PLG: variants seen among roughly 807,000 people sequenced by gnomAD.
The protein encoded by PLG is plasmin.
Under a neutral mutation model 104.4 loss-of-function variants are expected in PLG, and 41 were observed. The observed-to-expected ratio is 0.39, with a 90% CI of 0.31 to 0.51. PLG has a LOEUF of 0.51. Among genes scored for constraint, PLG ranks in the 20% least tolerant of loss-of-function variants. The probability of loss-of-function intolerance (pLI) is 0.76; values close to 1 mark genes in which losing one functional copy is unlikely to be tolerated. For missense variants in PLG, 891 were observed against 1,003.6 expected, an observed-to-expected ratio of 0.89 and a Z score of 1.52; for synonymous variants, 337 against 357.1, an observed-to-expected ratio of 0.94 and a Z score of 0.63.
chr6:160,741,369 G>C lies in PLG; in HGVS notation c.2077G>C (p.Val693Leu). The change falls in exon 17 of 19, where the codon GTC (valine) becomes CTC (leucine). Residue 693 changes from valine to leucine, a missense_variant. This residue lies in a region of PLG where 854 missense variants were observed against 932.1 expected (regional missense o/e 0.92). Transcript: ENST00000308192. This position sits in a 1 kb window ranked among gnomAD's most constrained non-coding sequence, Gnocchi z 4.7. The stretch of plus-strand genomic sequence containing the variant: ...TTGTCTGCCATCCCCAAATTATGTG[G>C]TCGCTGACCGGACCGAATGTTTCAT... The part of the protein sequence containing the change: ...PACLPSPNYV[V>L]ADRTECFITG... 2.5e-6 allele frequency: 4 copies of C among 1,613,740 alleles called. No homozygotes were observed. The highest frequency in any genetic ancestry group is 3.4e-6 in the Non-Finnish European group (4 of 1,179,576).
intron 17 of PLG, among the ~76,000 whole-genome samples, chr6:160,747,040 G>T (rs1455089692): frequency 6.6e-6 from 1 of 152,230 alleles, no homozygotes; most frequent in Non-Finnish European, 1.5e-5. Context: ...AAGAGTGTTA[G>T]ATTATTTTTC....
Position 160,726,469 on chromosome 6 carries a change from T to A in PLG, c.1256+3902T>A, listed in dbSNP as rs1192821478. 6.6e-6 allele frequency among the ~76,000 whole-genome samples: 1 copy of A among 151,906 alleles called. No individual in the cohort carries two copies. The highest frequency in any genetic ancestry group is 1.5e-5 in the Non-Finnish European group (1 of 67,884). On this transcript the variant is annotated intron_variant, in intron 10 of 18. Coordinates refer to ENST00000308192, the MANE Select transcript of PLG (RefSeq NM_000301.5). This position sits in a 1 kb window ranked among gnomAD's most constrained non-coding sequence, Gnocchi z 4.4. ...AACTTTAAATGCTTTCAGTAGAAAA[T>A]AGAAACATGTAAAAATCAATGACTT...
chr6:160,708,966 A>AT (rs200356805), intron 3 of PLG, among the ~76,000 whole-genome samples: 2 of 135,564 alleles, frequency 1.5e-5, no homozygotes, highest in Non-Finnish European at 3.3e-5. Flanking sequence ...ATTGTACCAG[A>AT]TTTTAAAAAA....
intron 6 of PLG, 119 bp from the exon 7 acceptor site, chr6:160,716,526 C>T (rs1472345857): frequency 1.3e-6 from 1 of 743,906 alleles, no homozygotes; most frequent in South Asian, 1.4e-5. Context: ...CATCTGATTA[C>T]CTCCTCCATG....
Position 160,706,556 on chromosome 6 carries a change from C to G in PLG, c.185+14C>G, listed in dbSNP as rs369616302. 1 of 1,611,684 alleles carries G rather than the reference C, an allele frequency of 6.2e-7. No homozygotes were observed. The highest frequency in any genetic ancestry group is 1.1e-5 in the South Asian group (1 of 90,972). Reference sequence around the variant, plus strand: ...ATTCACCTGCAGGTATTTCCATTGTCGTTGCACCTACGCAGGAATCTGTAA... The same window carrying G: ...ATTCACCTGCAGGTATTTCCATTGTGGTTGCACCTACGCAGGAATCTGTAA... On this transcript the variant is annotated intron_variant, in intron 2 of 18. Transcript: ENST00000308192.
chr6:160,720,410 C>CTTTTTT (rs3057066), intron 9 of PLG, among the ~76,000 whole-genome samples: 1,351 of 58,562 alleles, frequency 0.023, 201 homozygotes, highest in East Asian at 0.044. Flanking sequence ...CTTTTCTTTT[C>CTTTTTT]TTTTTTTTTT....
intron 8 of PLG, 75 bp from the exon 9 acceptor site, chr6:160,718,618 C>G: frequency 6.7e-7 from 1 of 1,501,204 alleles, no homozygotes; most frequent in Non-Finnish European, 9.3e-7. Context: ...TTTCCCGTAA[C>G]GGTTGTTCTC....
chr6:160,753,284 T>C lies in PLG; in HGVS notation c.*223T>C, dbSNP rs1193998051. 7.1e-6 allele frequency: 4 copies of C among 560,442 alleles called. No homozygotes were observed. Among genetic ancestry groups the C allele is most frequent in the Non-Finnish European group, 9.6e-6 (3 of 311,812 alleles). The allele number at this position is 560,442 out of a possible 1,614,324, so 34.7% of individuals were successfully genotyped here. On this transcript the variant is annotated 3_prime_UTR_variant, in exon 19 of 19. Coordinates refer to ENST00000308192, the MANE Select transcript of PLG (RefSeq NM_000301.5). The surrounding 1 kb of genome is among the most constrained non-coding windows in gnomAD (Gnocchi z 5.4). ...TAAAAATAAACTCTGTACTTAACTT[T>C]GATTTGAGTAAATTTTGGTTTTGGT...
At position 160,752,066 on chromosome 6, in the gene PLG, G is replaced by T; in HGVS notation, c.2126-49G>T. On this transcript the variant is annotated intron_variant, in intron 17 of 18. Coordinates refer to ENST00000308192, the MANE Select transcript of PLG (RefSeq NM_000301.5). This position sits in a 1 kb window ranked among gnomAD's most constrained non-coding sequence, Gnocchi z 4.7. ...CTGCTCTGTTCTGGAATATCCTCCT[G>T]AATGTGTTTTGGGTGCAGTTGCCAT... The T allele has an allele frequency of 6.4e-7, 1 of 1,565,086 alleles. No homozygotes were observed. Among genetic ancestry groups the T allele is most frequent in the Non-Finnish European group, 8.8e-7 (1 of 1,137,328 alleles).
chr6:160,712,493 G>A (rs974618495), intron 4 of PLG, among the ~76,000 whole-genome samples: 10 of 152,190 alleles, frequency 6.6e-5, no homozygotes, highest in Middle Eastern at 3.4e-3. Context: ...TTTGTTTTAC[G>A]TTGCCACTCA....
chr6:160,752,779 T>C lies in PLG; in HGVS notation c.2272-121T>C. On this transcript the variant is annotated intron_variant, in intron 18 of 18. Coordinates refer to ENST00000308192, the MANE Select transcript of PLG (RefSeq NM_000301.5). The surrounding 1 kb of genome is among the most constrained non-coding windows in gnomAD (Gnocchi z 4.7). ...TGCAGATGCTTGAGTAATATGCTCA[T>C]AAGTTCCTTTCTGATTTCAATTACT... The C allele has an allele frequency of 8.1e-7, 1 of 1,238,952 alleles. No individual in the cohort carries two copies. The highest frequency in any genetic ancestry group is 1.2e-6 in the Non-Finnish European group (1 of 846,062). 76.7% of individuals were successfully genotyped at this position (1,238,952 alleles called of 1,614,324 possible).
chr6:160,752,299 C>T lies in PLG; in HGVS notation c.2271+39C>T. 2 of 1,597,594 alleles carry T rather than the reference C, an allele frequency of 1.3e-6. No individual in the cohort carries two copies. Among genetic ancestry groups the T allele is most frequent in the Middle Eastern group, 3.3e-4 (2 of 6,016 alleles). ...AAGAGACCAAAGTTAGTCTTGTGCT[C>T]TCTTGTCTCAGTCTCAGCCCCTCAG... is the stretch of plus-strand genomic sequence containing the variant. On this transcript the variant is annotated intron_variant, in intron 18 of 18. Transcript: ENST00000308192. This position sits in a 1 kb window ranked among gnomAD's most constrained non-coding sequence, Gnocchi z 4.7.
At position 160,718,382 on chromosome 6, in the gene PLG, C is replaced by G. The variant is rs753737813; in HGVS notation, c.876C>G (p.Ser292=). The G allele has an allele frequency of 1.2e-6, 2 of 1,613,424 alleles. No individual in the cohort carries two copies. The highest frequency in any genetic ancestry group is 1.3e-5 in the African/African-American group (1 of 74,918). Residue 292 remains serine, a synonymous_variant, in exon 8 of 19, where the codon TCC becomes TCG. Transcript: ENST00000308192. The part of the protein sequence containing the change: ...NYRGNVAVTV[S]GHTCQHWSAQ... ...GCGGGAATGTGGCTGTTACCGTGTC[C>G]GGGCACACCTGTCAGCACTGGAGTG...
In PLG at chr6:160,744,499, G is replaced by A. The variant is rs918109832; in HGVS notation, c.2125+3082G>A. On this transcript the variant is annotated intron_variant, in intron 17 of 18. Transcript: ENST00000308192. This position sits in a 1 kb window ranked among gnomAD's most constrained non-coding sequence, Gnocchi z 4.5. ...TTATTTTTATTTTTGTGGCATCAGTGCTAACATCCCCTTTGTCATTTCTAA... is the reference window on the plus strand; with the variant it reads ...TTATTTTTATTTTTGTGGCATCAGTACTAACATCCCCTTTGTCATTTCTAA... Among the ~76,000 whole-genome samples, 3 of 152,108 alleles carry A rather than the reference G, an allele frequency of 2.0e-5. No individual in the cohort carries two copies. Among genetic ancestry groups the A allele is most frequent in the Non-Finnish European group, 2.9e-5 (2 of 67,990 alleles).
chr6:160,744,034 T>C lies in PLG; in HGVS notation c.2125+2617T>C, dbSNP rs1778239005. On this transcript the variant is annotated intron_variant, in intron 17 of 18. Coordinates refer to ENST00000308192, the MANE Select transcript of PLG (RefSeq NM_000301.5). This position sits in a 1 kb window ranked among gnomAD's most constrained non-coding sequence, Gnocchi z 4.5. The stretch of plus-strand genomic sequence containing the variant: ...CTACTTGATCACGATGGATTGGCTT[T>C]TTTATGTGCTGCTGGATTTGGTTTG... Among the ~76,000 whole-genome samples, 1 of 152,230 alleles carries C rather than the reference T, an allele frequency of 6.6e-6. No individual in the cohort carries two copies. The highest frequency in any genetic ancestry group is 2.4e-5 in the African/African-American group (1 of 41,454).
At chr6:160,703,485 C>A (rs1246021811) in intron 1 of PLG, among the ~76,000 whole-genome samples, 1 of 152,198 alleles carries the variant, frequency 6.6e-6, no homozygotes, top group Admixed American at 6.5e-5. Flanking sequence ...GTATTTATAT[C>A]TTTGCCATTT....
chr6:160,711,486 T>A, intron 4 of PLG: 1 of 1,280,372 alleles, frequency 7.8e-7, no homozygotes, highest in Non-Finnish European at 1.1e-6. Flanking sequence ...CACAGTTGGT[T>A]GAATTTGTGG....
In PLG at chr6:160,744,217, C is replaced by T. The variant is rs373820680; in HGVS notation, c.2125+2800C>T. ...GACCCTCCTCCTCAGTTTTTTTGAA[C>T]GGTTTCAGTAGGAATGGTCATAGCT... On this transcript the variant is annotated intron_variant, in intron 17 of 18. Transcript: ENST00000308192. This position sits in a 1 kb window ranked among gnomAD's most constrained non-coding sequence, Gnocchi z 4.5. 6.6e-6 allele frequency among the ~76,000 whole-genome samples: 1 copy of T among 152,044 alleles called. No individual in the cohort carries two copies. Among genetic ancestry groups the T allele is most frequent in the African/African-American group, 2.4e-5 (1 of 41,408 alleles).
intron 1 of PLG, chr6:160,706,184 T>G: frequency 1.7e-6 from 1 of 596,024 alleles, no homozygotes; most frequent in South Asian, 2.0e-5. Context: ...CTCCCTTCTC[T>G]GGTAGTCCCC....
Sources: gnomAD v4.1 joint callset for allele counts (sites outside exome capture counted in the v4.1 genomes callset) on GRCh38, gnomAD v4.1.1 for gene constraint, gnomAD v4.1.1 regional missense constraint, Gnocchi (gnomAD v3.1) non-coding constraint, MANE v1.5 for transcripts, NCBI Gene and HGNC (gene_info 2026-07-23, HGNC 2026-07-21) for gene names.